VAV1: variants seen among roughly 807,000 people sequenced by gnomAD.
VAV1 encodes the protein proto-oncogene vav.
In VAV1, 33 loss-of-function variants were observed where a neutral mutation model predicts 128.1. That is an observed-to-expected ratio of 0.26 (90% CI 0.20 to 0.34). The LOEUF (loss-of-function observed/expected upper bound fraction) is 0.34. Ranked by LOEUF, VAV1 falls within the 10% of genes least tolerant of loss-of-function variation. The probability of loss-of-function intolerance (pLI) is 1.00; values close to 1 mark genes in which losing one functional copy is unlikely to be tolerated. For synonymous variants in VAV1, 394 were observed against 409.8 expected, an observed-to-expected ratio of 0.96 and a Z score of 0.47; for missense variants, 715 against 1,093.7, an observed-to-expected ratio of 0.65 and a Z score of 4.88.
In VAV1 at chr19:6,833,585, G is replaced by A. The variant is rs1972143981; in HGVS notation, c.1668G>A (p.Glu556=). The A allele has an allele frequency of 2.5e-6, 4 of 1,613,738 alleles. No homozygotes were observed. Among genetic ancestry groups the A allele is most frequent in the Non-Finnish European group, 3.4e-6 (4 of 1,179,742 alleles). Residue 556 remains glutamate (E), a synonymous_variant, in exon 17 of 27, where the codon GAG becomes GAA. Transcript: ENST00000602142. ...CHRCRASAHK[E]CLGRVPPCGR... ...GGTGCCGGGCATCTGCACACAAGGA[G>A]TGTCTGGGGAGGGTCCCTCCATGTG...
intron 22 of VAV1, among the ~76,000 whole-genome samples, chr19:6,847,342 G>C (rs1044157818): frequency 6.6e-6 from 1 of 151,990 alleles, no homozygotes; most frequent in Non-Finnish European, 1.5e-5. Flanking sequence ...CGGGAACCAA[G>C]GGTCTCCTTC....
chr19:6,850,782 C>T (rs769383906), intron 24 of VAV1, 25 bp downstream of exon 24: 6 of 1,612,004 alleles, frequency 3.7e-6, no homozygotes, highest in South Asian at 1.1e-5. Flanking sequence ...CCGCTCAATC[C>T]CAGCTTTCCA....
Position 6,857,116 on chromosome 19 carries a change from G to C in VAV1, c.*9G>C. 3.7e-6 allele frequency: 6 copies of C among 1,614,010 alleles called. No homozygotes were observed. Among genetic ancestry groups the C allele is most frequent in the Non-Finnish European group, 5.1e-6 (6 of 1,179,986 alleles). ...ATTCTGAATACTGCTGAGCCCTGGTGCCTTGGCAGAGAGACGAGAAACTCC... is the reference window on the plus strand; with the variant it reads ...ATTCTGAATACTGCTGAGCCCTGGTCCCTTGGCAGAGAGACGAGAAACTCC... On this transcript the variant is annotated 3_prime_UTR_variant, in exon 27 of 27. Transcript: ENST00000602142.
At chr19:6,833,359 A>G in intron 16 of VAV1, 74 bp downstream of exon 16, 3 of 1,483,472 alleles carry the variant, frequency 2.0e-6, no homozygotes, top group Non-Finnish European at 2.8e-6. Context: ...TGGCCTAGTA[A>G]TTGGTTCCCT....
intron 21 of VAV1, among the ~76,000 whole-genome samples, chr19:6,839,547 C>A (rs931807224): frequency 6.6e-6 from 1 of 152,006 alleles, no homozygotes; most frequent in Non-Finnish European, 1.5e-5. Flanking sequence ...GGATTACAGG[C>A]GTGAGCCACC....
chr19:6,801,814 G>A (rs1047325184), intron 1 of VAV1, among the ~76,000 whole-genome samples: 1 of 152,192 alleles, frequency 6.6e-6, no homozygotes, highest in Non-Finnish European at 1.5e-5. Context: ...TGGAAAGCCA[G>A]CCGACCTTTC....
Position 6,826,576 on chromosome 19 carries a change from G to C in VAV1, c.828-36G>C. On this transcript the variant is annotated intron_variant, in intron 8 of 26. Transcript: ENST00000602142. The surrounding 1 kb of genome is among the most constrained non-coding windows in gnomAD (Gnocchi z 4.1). ...CAGCCTCTGCCCGACCTTGATGCCA[G>C]TCACCTTTACCTGGTGGCCTGTCTT... is the stretch of plus-strand genomic sequence containing the variant. 3 of 1,511,678 alleles carry C rather than the reference G, an allele frequency of 2.0e-6. No individual in the cohort carries two copies. Among genetic ancestry groups the C allele is most frequent in the Non-Finnish European group, 2.7e-6 (3 of 1,112,668 alleles). The allele number at this position is 1,511,678 out of a possible 1,614,324, so 93.6% of individuals were successfully genotyped here. A position where few individuals can be genotyped will look rare whatever the true frequency, so the allele number is the denominator to read the frequency against.
chr19:6,834,559 T>C (rs1053908876), intron 19 of VAV1, among the ~76,000 whole-genome samples: 1 of 147,820 alleles, frequency 6.8e-6, no homozygotes, highest in Non-Finnish European at 1.5e-5. Flanking sequence ...TTAAAAAATT[T>C]AAAAATATAT....
chr19:6,790,062 C>T (rs1970982363), intron 1 of VAV1, among the ~76,000 whole-genome samples: 1 of 152,168 alleles, frequency 6.6e-6, no homozygotes, highest in South Asian at 2.1e-4. Flanking sequence ...CCTGTAATCC[C>T]AGCTACTCGA....
chr19:6,815,491 G>A (rs1406707935), intron 1 of VAV1, among the ~76,000 whole-genome samples: 1 of 152,138 alleles, frequency 6.6e-6, no homozygotes, highest in Non-Finnish European at 1.5e-5. Flanking sequence ...GTAGGAGGAT[G>A]TAAAGCTCTC....
intron 1 of VAV1, among the ~76,000 whole-genome samples, chr19:6,775,324 T>C (rs1970599330): frequency 2.6e-5 from 4 of 152,216 alleles, no homozygotes; most frequent in South Asian, 4.1e-4. Flanking sequence ...GGAAAGTGGA[T>C]AGACTTAAGG....
intron 23 of VAV1, among the ~76,000 whole-genome samples, chr19:6,850,225 GTTTTTTT>G (rs760967154): frequency 2.9e-4 from 14 of 49,038 alleles, no homozygotes; most frequent in Non-Finnish European, 2.1e-4. Context: ...TTGTTTCTTT[GTTTTTTT>G]TTTTTTTTTT....
chr19:6,833,550 C>G lies in VAV1; in HGVS notation c.1633C>G (p.Arg545Gly). The G allele has an allele frequency of 6.2e-7, 1 of 1,610,302 alleles. No individual in the cohort carries two copies. The highest frequency in any genetic ancestry group is 2.2e-5 in the East Asian group (1 of 44,812). Residue 545 changes from arginine (R) to glycine (G), a missense_variant, in exon 17 of 27, where the codon CGC (arginine) becomes GGC (glycine). Transcript: ENST00000602142. ...CAGAGGTACCTTCTATCAGGGCTAC[C>G]GCTGCCATCGGTGCCGGGCATCTGC... The part of the protein sequence containing the change: ...LLRGTFYQGY[R>G]CHRCRASAHK...
At chr19:6,851,293 C>T (rs1435347090) in intron 24 of VAV1, among the ~76,000 whole-genome samples, 1 of 151,970 alleles carries the variant, frequency 6.6e-6, no homozygotes, top group Admixed American at 6.6e-5. Flanking sequence ...TCGCCTCAGC[C>T]TCCCGAGCAG....
At chr19:6,812,937 C>A (rs691469) in intron 1 of VAV1, among the ~76,000 whole-genome samples, 5 of 152,032 alleles carry the variant, frequency 3.3e-5, no homozygotes, top group Non-Finnish European at 5.9e-5. Context: ...GAACTTGAAA[C>A]GTCCAGCCCT....
chr19:6,821,295 G>A (rs887723094), intron 2 of VAV1, among the ~76,000 whole-genome samples: 5 of 152,048 alleles, frequency 3.3e-5, no homozygotes, highest in African/African-American at 7.2e-5. Context: ...CAGCTACTCC[G>A]GAGGCTGAGG....
At chr19:6,802,594 A>C (rs1971299765) in intron 1 of VAV1, among the ~76,000 whole-genome samples, 1 of 152,024 alleles carries the variant, frequency 6.6e-6, no homozygotes, top group Admixed American at 6.6e-5. Context: ...TCAGGAGGGA[A>C]CTTCCTCCCT....
intron 9 of VAV1, chr19:6,827,217 T>A (rs1454130965): frequency 1.2e-5 from 2 of 162,548 alleles, no homozygotes; most frequent in Non-Finnish European, 2.7e-5. Flanking sequence ...TGGACCTCTA[T>A]CCCAGGCAGC....
At chr19:6,832,345 G>GCCTT in intron 15 of VAV1, 145 bp downstream of exon 15, 2 of 749,178 alleles carry the variant, frequency 2.7e-6, no homozygotes, top group Non-Finnish European at 4.4e-6. Flanking sequence ...AAGAGGGACA[G>GCCTT]GCCCAAGGCT....
Sources: gnomAD v4.1 joint callset for allele counts (sites outside exome capture counted in the v4.1 genomes callset) on GRCh38, gnomAD v4.1.1 for gene constraint, Gnocchi (gnomAD v3.1) non-coding constraint, MANE v1.5 for transcripts, NCBI Gene and HGNC (gene_info 2026-07-23, HGNC 2026-07-21) for gene names.